CRYBG2: variants seen among roughly 807,000 people sequenced by gnomAD.
The protein encoded by CRYBG2 is beta/gamma crystallin domain-containing protein 2.
A neutral mutation model predicts 153.4 loss-of-function variants in CRYBG2; 106 were observed. The observed-to-expected ratio is 0.69, with a 90% CI of 0.59 to 0.81. The LOEUF is 0.81. Among genes scored for constraint, CRYBG2 ranks in the 30% least tolerant of loss-of-function variants. CRYBG2 has a pLI of 0.00. For missense variants in CRYBG2, 1,996 were observed against 2,112.0 expected (o/e 0.95, Z 1.08); for synonymous variants, 851 against 877.8 (o/e 0.97, Z 0.54).
At chr1:26,353,090 G>A (rs1295744798) in intron 1 of CRYBG2, among the ~76,000 whole-genome samples, 5 of 152,148 alleles carry the variant, frequency 3.3e-5, no homozygotes, top group Non-Finnish European at 2.9e-5. Context: ...GCAGTGGTTA[G>A]AGCACAGGCA....
chr1:26,345,781 A>T lies in CRYBG2; in HGVS notation c.877T>A (p.Ser293Thr). 1 of 1,596,870 alleles carries T rather than the reference A, an allele frequency of 6.3e-7. No homozygotes were observed. The change falls in exon 2 of 20, where the codon TCT becomes ACT. Residue 293 changes from serine (S) to threonine (T), a missense_variant. Physicochemically the swap from Ser to Thr is moderately conservative, Grantham distance 58. Transcript: ENST00000308182. ...TGAGCACTGGCTGGGATGCCTGTAGAGGCCAGGGCAGAGCTGTCTTTAAGC... is the reference window on the plus strand; with the variant it reads ...TGAGCACTGGCTGGGATGCCTGTAGTGGCCAGGGCAGAGCTGTCTTTAAGC... The part of the protein sequence containing the change: ...AELKDSSALA[S>T]TGIPASAHLP...
chr1:26,328,660 C>T (rs2073961533), intron 16 of CRYBG2, 74 bp downstream of exon 16: 3 of 1,538,052 alleles, frequency 2.0e-6, no homozygotes, highest in Admixed American at 2.1e-5. Flanking sequence ...GGCCAGAGAC[C>T]CCCAGGATCT....
chr1:26,324,504 TCACACACA>T (rs10611174), intron 17 of CRYBG2, among the ~76,000 whole-genome samples, 194 bp from the exon 18 acceptor site: 39 of 126,482 alleles, frequency 3.1e-4, no homozygotes, highest in Non-Finnish European at 4.3e-4. Flanking sequence ...TCTCTCTCTC[TCACACACA>T]CACACACACA....
chr1:26,337,114 G>A, intron 10 of CRYBG2, 134 bp from the exon 11 acceptor site: 1 of 1,550,620 alleles, frequency 6.4e-7, no homozygotes. Flanking sequence ...AGAGCAGCAG[G>A]GGAAGAGAGG....
At chr1:26,326,826 G>T in intron 17 of CRYBG2, 1 of 516,862 alleles carries the variant, frequency 1.9e-6, no homozygotes, top group Non-Finnish European at 3.9e-6. Flanking sequence ...TCTGCATGTG[G>T]CGTGTGCCCA....
At chr1:26,353,510 G>A (rs868683922) in intron 1 of CRYBG2, among the ~76,000 whole-genome samples, 2 of 152,174 alleles carry the variant, frequency 1.3e-5, no homozygotes, top group Non-Finnish European at 2.9e-5. Flanking sequence ...GCCAGGTGGG[G>A]TAATTATTGC....
In CRYBG2 at chr1:26,344,701, C is replaced by T; in HGVS notation, c.1957G>A (p.Gly653Ser). Residue 653 changes from glycine to serine, a missense_variant, in exon 2 of 20, where the codon GGC becomes AGC. Transcript: ENST00000308182. Reference protein sequence around the residue: ...IQKEAVQGIAGSLAPPLTKEE... With the variant: ...IQKEAVQGIASSLAPPLTKEE... ...TTGGTGAGGGGCGGGGCAAGGCTGCCTGCAATACCCTGGACAGCCTCTTTT... is the reference window on the plus strand; with the variant it reads ...TTGGTGAGGGGCGGGGCAAGGCTGCTTGCAATACCCTGGACAGCCTCTTTT... 6.5e-7 allele frequency: 1 copy of T among 1,533,252 alleles called. No individual in the cohort carries two copies. Among genetic ancestry groups the T allele is most frequent in the African/African-American group, 1.4e-5 (1 of 73,100 alleles). 95.0% of individuals were successfully genotyped at this position (1,533,252 alleles called of 1,614,324 possible).
chr1:26,351,632 G>A (rs1288465565), intron 1 of CRYBG2, among the ~76,000 whole-genome samples: 1 of 152,102 alleles, frequency 6.6e-6, no homozygotes, highest in African/African-American at 2.4e-5. Flanking sequence ...AGATATTGTC[G>A]ATGACCTCCT....
chr1:26,347,293 T>TTG (rs1251098172), intron 1 of CRYBG2, among the ~76,000 whole-genome samples: 1 of 133,896 alleles, frequency 7.5e-6, no homozygotes, highest in East Asian at 2.1e-4. Flanking sequence ...CGTTTTTTTT[T>TTG]TTTTTTTTTT....
rs2074160208 is a variant in CRYBG2, at chr1:26,343,572, A to G, written c.2913+173T>C. On this transcript the variant is annotated intron_variant, in intron 2 of 19. Transcript: ENST00000308182. The surrounding 1 kb of genome is among the most constrained non-coding windows in gnomAD (Gnocchi z 4.1). Reference sequence around the variant, plus strand: ...CAAACCTCCCACAGTAGGGATAGGGATAGGGAGATTGAGGCCCAGAGAGAT... The same window carrying G: ...CAAACCTCCCACAGTAGGGATAGGGGTAGGGAGATTGAGGCCCAGAGAGAT... 6.6e-6 allele frequency among the ~76,000 whole-genome samples: 1 copy of G among 152,146 alleles called. No individual in the cohort carries two copies. Among genetic ancestry groups the G allele is most frequent in the African/African-American group, 2.4e-5 (1 of 41,426 alleles).
rs1215110815 is a variant in CRYBG2 at position 26,345,975 on chromosome 1, G to A, written c.683C>T (p.Ser228Leu). ...PPVVVGSPPG[S>L]PSRSQAVKVL... Reference sequence around the variant, plus strand: ...TTTCACGGCCTGGCTGCGGCTGGGCGAGCCTGGTGGGGAGCCCACCACCAC... The same window carrying A: ...TTTCACGGCCTGGCTGCGGCTGGGCAAGCCTGGTGGGGAGCCCACCACCAC... Residue 228 changes from serine (S) to leucine (L), a missense_variant, in exon 2 of 20, where the codon TCG becomes TTG. Physicochemically the swap from Ser to Leu is moderately radical, Grantham distance 145. Coordinates refer to ENST00000308182, the MANE Select transcript of CRYBG2 (RefSeq NM_001039775.4). 1.1e-5 allele frequency: 17 copies of A among 1,593,218 alleles called. No individual in the cohort carries two copies. Among genetic ancestry groups the A allele is most frequent in the East Asian group, 2.2e-5 (1 of 44,760 alleles).
chr1:26,327,061 C>CAGTG, intron 17 of CRYBG2: 1 of 444,222 alleles, frequency 2.3e-6, no homozygotes, highest in South Asian at 1.6e-5. Context: ...GGGCTGGGCA[C>CAGTG]AGTGGTTCAT....
At chr1:26,349,922 C>T (rs1173397684) in intron 1 of CRYBG2, among the ~76,000 whole-genome samples, 1 of 150,822 alleles carries the variant, frequency 6.6e-6, no homozygotes, top group Non-Finnish European at 1.5e-5. Context: ...CCAAACAGTC[C>T]TCCCACCTCA....
Position 26,337,555 on chromosome 1 carries a change from C to T in CRYBG2, c.3627G>A (p.Leu1209=). The change falls in exon 9 of 20, where the codon CTG becomes CTA. Residue 1209 remains leucine, a synonymous_variant. Transcript: ENST00000308182. ...GTTCTCACCAGCCTCCGAGAACTCT[C>T]AGGGACCCCACAGAGGCCAGGTGGG... is the stretch of plus-strand genomic sequence containing the variant. ...QSPHLASVGS[L]RVLGGCWVGY... 6.2e-7 allele frequency: 1 copy of T among 1,612,632 alleles called. No individual in the cohort carries two copies. The highest frequency in any genetic ancestry group is 8.5e-7 in the Non-Finnish European group (1 of 1,179,956).
chr1:26,328,936 C>A, intron 15 of CRYBG2, 63 bp from the exon 16 acceptor site: 1 of 1,594,318 alleles, frequency 6.3e-7, no homozygotes, highest in Non-Finnish European at 8.6e-7. Flanking sequence ...CGCAGCCCCA[C>A]AATCCCAGAC....
chr1:26,334,946 C>T (rs1301505147), intron 14 of CRYBG2, among the ~76,000 whole-genome samples: 2 of 151,642 alleles, frequency 1.3e-5, no homozygotes, highest in Non-Finnish European at 2.9e-5. Flanking sequence ...ACAAAACAAA[C>T]AAACAAACAA....
At chr1:26,334,412 A>C (rs1012703465) in intron 14 of CRYBG2, among the ~76,000 whole-genome samples, 1 of 152,180 alleles carries the variant, frequency 6.6e-6, no homozygotes, top group Non-Finnish European at 1.5e-5. Flanking sequence ...TAAGAAAGTG[A>C]GACCCTGTCT....
Position 26,336,437 on chromosome 1 carries a change from T to C in CRYBG2, c.4039-67A>G. On this transcript the variant is annotated intron_variant, in intron 12 of 19. Transcript: ENST00000308182. The surrounding 1 kb of genome is among the most constrained non-coding windows in gnomAD (Gnocchi z 4.9). ...CCCCTAGCCTTGTCTTCTCTAGGTT[T>C]CAGTACCGTCCACCCCGCGGCCGCG... 1 of 1,589,574 alleles carries C rather than the reference T, an allele frequency of 6.3e-7. No homozygotes were observed. The highest frequency in any genetic ancestry group is 8.6e-7 in the Non-Finnish European group (1 of 1,168,168).
rs749607813 is a variant in CRYBG2 at position 26,321,923 on chromosome 1, C to A, written c.*45G>T. The A allele has an allele frequency of 2.1e-6, 3 of 1,447,684 alleles. No homozygotes were observed. Among genetic ancestry groups the A allele is most frequent in the South Asian group, 1.4e-5 (1 of 73,430 alleles). 89.7% of individuals were successfully genotyped at this position (1,447,684 alleles called of 1,614,324 possible). ...ACAACAAAAACCCTATAAAAACATT[C>A]ATCCCAGCAAAAGCCTCCAGGGCTG... is the stretch of plus-strand genomic sequence containing the variant. On this transcript the variant is annotated 3_prime_UTR_variant, in exon 20 of 20. Transcript: ENST00000308182.
Sources: gnomAD v4.1 joint callset for allele counts (sites outside exome capture counted in the v4.1 genomes callset) on GRCh38, gnomAD v4.1.1 for gene constraint, Gnocchi (gnomAD v3.1) non-coding constraint, MANE v1.5 for transcripts, NCBI Gene and HGNC (gene_info 2026-07-23, HGNC 2026-07-21) for gene names.